HRH2: variants seen among roughly 807,000 people sequenced by gnomAD.
HRH2 encodes histamine H2 receptor.
A neutral mutation model predicts 20.1 loss-of-function variants in HRH2; 4 were observed. The ratio of observed to expected loss-of-function variants is 0.20; its 90% CI spans 0.10 to 0.45. HRH2 has a LOEUF of 0.45. Among genes scored for constraint, HRH2 ranks in the 20% least tolerant of loss-of-function variants. The probability of loss-of-function intolerance (pLI) is 0.99; values close to 1 mark genes in which losing one functional copy is unlikely to be tolerated. For missense variants in HRH2, 250 were observed against 461.6 expected (o/e 0.54, Z 4.20); for synonymous variants, 197 against 200.7 (o/e 0.98, Z 0.16).
intron 2 of HRH2, among the ~76,000 whole-genome samples, chr5:175,696,399 A>G (rs1756578714): frequency 6.6e-6 from 1 of 152,108 alleles, no homozygotes. Context: ...GGAGCCCCCC[A>G]CTTTGCCGTG....
intron 2 of HRH2, among the ~76,000 whole-genome samples, chr5:175,697,650 CTT>C (rs1756647560): frequency 6.6e-6 from 1 of 152,156 alleles, no homozygotes; most frequent in South Asian, 2.1e-4. Context: ...GGGTCACAGA[CTT>C]AGTCCAGTCG....
At chr5:175,691,633 G>A (rs1366442637) in intron 2 of HRH2, among the ~76,000 whole-genome samples, 2 of 151,604 alleles carry the variant, frequency 1.3e-5, no homozygotes, top group Non-Finnish European at 2.9e-5. Context: ...CTGTAATACC[G>A]GCGCTTTGGG....
At position 175,706,492 on chromosome 5, in the gene HRH2, C is replaced by G. The variant is rs543337205; in HGVS notation, c.1077-1287C>G. On this transcript the variant is annotated intron_variant, in intron 2 of 2. Transcript: ENST00000636584. The stretch of plus-strand genomic sequence containing the variant: ...AAGAAGGGAGGTGGTTATTTCCTAG[C>G]CTAGAGCTAGCTGTTCTTTGATAAT... Among the ~76,000 whole-genome samples the G allele has an allele frequency of 4.6e-5, 7 of 152,294 alleles. No individual in the cohort carries two copies. In the South Asian group the frequency reaches 1.5e-3, roughly 32 times the overall value.
intron 1 of HRH2, among the ~76,000 whole-genome samples, chr5:175,671,948 T>A (rs1755559714): frequency 6.6e-6 from 1 of 152,072 alleles, no homozygotes; most frequent in African/African-American, 2.4e-5. Flanking sequence ...CCGGGATGAC[T>A]GCCTCTCTGG....
chr5:175,671,241 G>A (rs1755529012), intron 1 of HRH2, among the ~76,000 whole-genome samples: 2 of 152,232 alleles, frequency 1.3e-5, no homozygotes, highest in African/African-American at 2.4e-5. Context: ...CACCGCATGG[G>A]CTTGGTTTTT....
At chr5:175,695,331 A>T (rs1756537095) in intron 2 of HRH2, among the ~76,000 whole-genome samples, 1 of 152,050 alleles carries the variant, frequency 6.6e-6, no homozygotes, top group Admixed American at 6.6e-5. Flanking sequence ...TGTTACTAGT[A>T]CCTGTTTCAA....
chr5:175,684,404 G>T, intron 2 of HRH2, 95 bp downstream of exon 2: 2 of 1,512,886 alleles, frequency 1.3e-6, no homozygotes, highest in Non-Finnish European at 1.8e-6. Context: ...AGGTGGTGCT[G>T]GTTTATGTTC....
intron 2 of HRH2, among the ~76,000 whole-genome samples, chr5:175,694,110 T>G (rs985087526): frequency 7.9e-5 from 12 of 152,270 alleles, no homozygotes; most frequent in African/African-American, 2.9e-4. Context: ...ACCAATTGAG[T>G]GAGTGCCCTT....
chr5:175,663,762 C>G (rs751282701), intron 1 of HRH2, among the ~76,000 whole-genome samples: 3 of 152,230 alleles, frequency 2.0e-5, no homozygotes, highest in Non-Finnish European at 4.4e-5. Context: ...CTCCAGCCCC[C>G]CTCTAGCACA....
chr5:175,700,128 T>C (rs13356830), intron 2 of HRH2, among the ~76,000 whole-genome samples: 32,690 of 152,108 alleles, frequency 0.21, 6,411 homozygotes, highest in African/African-American at 0.53. Flanking sequence ...CACCTCCTCC[T>C]ATTCACTCCT....
intron 1 of HRH2, among the ~76,000 whole-genome samples, chr5:175,678,651 G>C (rs1473727510): frequency 6.6e-6 from 1 of 152,264 alleles, no homozygotes; most frequent in African/African-American, 2.4e-5. Context: ...TCGCCCAGAA[G>C]GGGCGTCGGG....
chr5:175,698,414 C>G (rs546924231), intron 2 of HRH2, among the ~76,000 whole-genome samples: 70 of 152,328 alleles, frequency 4.6e-4, no homozygotes, highest in Non-Finnish European at 4.9e-4. Context: ...CCTGGGGCAG[C>G]TCTTACCTGC....
intron 1 of HRH2, among the ~76,000 whole-genome samples, chr5:175,658,931 C>A (rs1044807708): frequency 6.6e-6 from 1 of 152,124 alleles, no homozygotes; most frequent in African/African-American, 2.4e-5. Context: ...TGTTGTGAGG[C>A]GAAAGAGGTG....
chr5:175,708,430 T>G lies in HRH2; in HGVS notation c.*459T>G. 2.0e-5 allele frequency: 3 copies of G among 152,486 alleles called. No individual in the cohort carries two copies. The highest frequency in any genetic ancestry group is 2.9e-5 in the Non-Finnish European group (2 of 68,342). The allele number at this position is 152,486 out of a possible 1,614,324, so 9.4% of individuals were successfully genotyped here. Reference sequence around the variant, plus strand: ...GGAAAAGACAGAGAAAGGAAGGAAATAGCTTTTCATGAGCACCTACTGTGT... The same window carrying G: ...GGAAAAGACAGAGAAAGGAAGGAAAGAGCTTTTCATGAGCACCTACTGTGT... On this transcript the variant is annotated 3_prime_UTR_variant, in exon 3 of 3. Coordinates refer to ENST00000636584, the MANE Select transcript of HRH2 (RefSeq NM_001367711.1).
At chr5:175,673,892 A>G (rs1204499614) in intron 1 of HRH2, among the ~76,000 whole-genome samples, 5 of 152,002 alleles carry the variant, frequency 3.3e-5, no homozygotes, top group South Asian at 2.1e-4. Context: ...TTTAGTACAG[A>G]CAGAGTTTTG....
chr5:175,685,726 GT>G (rs1561732306), intron 2 of HRH2: 2 of 577,198 alleles, frequency 3.5e-6, no homozygotes, highest in Non-Finnish European at 6.2e-6. Context: ...GCCCTCCAGA[GT>G]TGCCTGAAGC....
intron 2 of HRH2, 131 bp downstream of exon 2, chr5:175,684,440 A>G: frequency 3.8e-6 from 5 of 1,307,906 alleles, no homozygotes; most frequent in Non-Finnish European, 5.3e-6. Flanking sequence ...AGCACTTTGT[A>G]AACACCCTCT....
chr5:175,686,662 A>C lies in HRH2; in HGVS notation c.1076+2353A>C, dbSNP rs894598848. On this transcript the variant is annotated intron_variant, in intron 2 of 2. Coordinates refer to ENST00000636584, the MANE Select transcript of HRH2 (RefSeq NM_001367711.1). This position sits in a 1 kb window ranked among gnomAD's most constrained non-coding sequence, Gnocchi z 4.7. ...CCCGGGAGCCCATCCCGGAGAGGAG[A>C]CCTCTGAGCTTTTAAATGCAAACGA... Among the ~76,000 whole-genome samples the C allele has an allele frequency of 1.3e-5, 2 of 152,118 alleles. No individual in the cohort carries two copies. The highest frequency in any genetic ancestry group is 4.8e-5 in the African/African-American group (2 of 41,416).
chr5:175,684,495 T>C, intron 2 of HRH2, 186 bp downstream of exon 2: 2 of 358,840 alleles, frequency 5.6e-6, no homozygotes, highest in Non-Finnish European at 7.8e-6. Context: ...CTTAGCTCCC[T>C]TTTAAAAGGA....
Sources: gnomAD v4.1 joint callset for allele counts (sites outside exome capture counted in the v4.1 genomes callset) on GRCh38, gnomAD v4.1.1 for gene constraint, Gnocchi (gnomAD v3.1) non-coding constraint, MANE v1.5 for transcripts, NCBI Gene and HGNC (gene_info 2026-07-23, HGNC 2026-07-21) for gene names.